DNAH14: variants seen among roughly 807,000 people sequenced by gnomAD.
DNAH14 encodes the protein dynein axonemal heavy chain 14.
DNAH14 carries 478 observed loss-of-function variants against 520.9 expected under a neutral mutation model. The ratio of observed to expected loss-of-function variants is 0.92; its 90% CI spans 0.85 to 0.99. DNAH14 has a LOEUF of 0.99. Ranked by LOEUF, DNAH14 falls within the 50% of genes least tolerant of loss-of-function variation. DNAH14 has a pLI of 0.00. For missense variants in DNAH14, 4,831 were observed against 5,234.5 expected, an observed-to-expected ratio of 0.92 and a Z score of 2.38; for synonymous variants, 1,581 against 1,757.2, an observed-to-expected ratio of 0.90 and a Z score of 2.51.
intron 38 of DNAH14, among the ~76,000 whole-genome samples, chr1:225,203,959 AG>A (rs997401837): frequency 6.6e-6 from 1 of 152,180 alleles, no homozygotes; most frequent in African/African-American, 2.4e-5. Flanking sequence ...CTGTCTTTGC[AG>A]GGGGAAAAAA....
At chr1:225,024,492 A>G (rs990118351) in intron 11 of DNAH14, 1 of 153,230 alleles carries the variant, frequency 6.5e-6, no homozygotes, top group Non-Finnish European at 1.4e-5. Flanking sequence ...GGTAAACAGG[A>G]CTATGAATTG....
intron 12 of DNAH14, 31 bp downstream of exon 12, chr1:225,038,854 G>A: frequency 2.1e-6 from 3 of 1,427,744 alleles, no homozygotes; most frequent in Non-Finnish European, 2.8e-6. Flanking sequence ...TATAAACATA[G>A]ATTTTTTGCT....
rs373104125 is a variant in DNAH14 at position 225,373,996 on chromosome 1, T to G, written c.12319-692T>G. 4.1e-5 allele frequency among the ~76,000 whole-genome samples: 6 copies of G among 148,044 alleles called. No individual in the cohort carries two copies. In the East Asian group the frequency reaches 8.1e-4, roughly 20 times the overall value. ...ACAAAAATTAGCCAGACAGGGAGGC[T>G]GAGGAAAAAAGCTGAGGTGGGAGAA... is the stretch of plus-strand genomic sequence containing the variant. On this transcript the variant is annotated intron_variant, in intron 77 of 85. Transcript: ENST00000682510.
At chr1:225,117,316 A>G (rs1265823412) in intron 23 of DNAH14, among the ~76,000 whole-genome samples, 2 of 151,760 alleles carry the variant, frequency 1.3e-5, no homozygotes. Context: ...TGGGAAAGCA[A>G]TGTTGATAAT....
rs774364929 is a variant in DNAH14 at position 225,304,949 on chromosome 1, CA to C, written c.8869del (p.Ser2957AlafsTer2). On this transcript the variant is annotated frameshift_variant, in exon 58 of 86. Coordinates refer to ENST00000682510, the MANE Select transcript of DNAH14 (RefSeq NM_001367479.1). LOFTEE classifies it high-confidence loss of function. The part of the protein sequence containing the change: ...KLAPTCVQIH[K>X]SMKDLNRKYF... ...TTGCCCCAACATGTGTCCAAATCCA[CA>C]AAAGCATGAAAGACTTGAACAGAAA... 3.3e-6 allele frequency: 5 copies of C among 1,535,782 alleles called. No homozygotes were observed. Among genetic ancestry groups the C allele is most frequent in the Non-Finnish European group, 4.4e-6 (5 of 1,143,716 alleles).
chr1:225,081,793 C>T (rs986931511), intron 19 of DNAH14, among the ~76,000 whole-genome samples: 40 of 152,052 alleles, frequency 2.6e-4, no homozygotes, highest in African/African-American at 9.4e-4. Context: ...TTGAACCTTC[C>T]ACTCCATAGG....
At chr1:225,240,956 A>G (rs2091929283) in intron 43 of DNAH14, 134 bp downstream of exon 43, 1 of 682,052 alleles carries the variant, frequency 1.5e-6, no homozygotes, top group South Asian at 2.5e-5. Context: ...TAATATACCC[A>G]ATACCCTCAT....
At chr1:224,974,191 G>T in intron 8 of DNAH14, 38 bp downstream of exon 8, 1 of 1,349,998 alleles carries the variant, frequency 7.4e-7, no homozygotes, top group Non-Finnish European at 9.9e-7. Context: ...ATTTCAAAAG[G>T]AAGCTGTATG....
chr1:225,101,163 T>A (rs986476736), intron 23 of DNAH14, among the ~76,000 whole-genome samples: 3 of 152,146 alleles, frequency 2.0e-5, no homozygotes, highest in African/African-American at 7.2e-5. Context: ...ATCTTTTTTT[T>A]TTAATATAAG....
intron 15 of DNAH14, among the ~76,000 whole-genome samples, chr1:225,048,506 A>G (rs1282276566): frequency 6.6e-6 from 1 of 152,216 alleles, no homozygotes; most frequent in Non-Finnish European, 1.5e-5. Context: ...GTCTCAAAAA[A>G]TAAAAAATAA....
At chr1:225,224,049 G>A (rs1022598983) in intron 41 of DNAH14, among the ~76,000 whole-genome samples, 3 of 151,914 alleles carry the variant, frequency 2.0e-5, no homozygotes, top group African/African-American at 7.3e-5. Flanking sequence ...TAACTTCCTG[G>A]TCAGTAAGAT....
At chr1:225,315,788 G>A (rs1291752258) in intron 60 of DNAH14, among the ~76,000 whole-genome samples, 5 of 152,214 alleles carry the variant, frequency 3.3e-5, no homozygotes, top group African/African-American at 7.2e-5. Context: ...AAAGATTGCT[G>A]CCTGCTCCTT....
At chr1:225,184,535 G>A (rs553741237) in intron 36 of DNAH14, among the ~76,000 whole-genome samples, 8 of 152,084 alleles carry the variant, frequency 5.3e-5, no homozygotes, top group South Asian at 4.2e-4. Context: ...CACAAGAATC[G>A]CTTGAACCTG....
At chr1:225,050,651 T>C (rs576399127) in intron 16 of DNAH14, among the ~76,000 whole-genome samples, 19 of 152,296 alleles carry the variant, frequency 1.2e-4, no homozygotes, top group Admixed American at 1.1e-3. Flanking sequence ...CTCAACTCTT[T>C]CCATTAGCAT....
At chr1:225,335,997 G>A (rs569637708) in intron 66 of DNAH14, among the ~76,000 whole-genome samples, 1,747 of 84,736 alleles carry the variant, frequency 0.021, 130 homozygotes, top group Admixed American at 0.18. Context: ...ACACACATAT[G>A]CATATATGTA....
At chr1:225,376,941 G>A (rs1222766961) in intron 78 of DNAH14, among the ~76,000 whole-genome samples, 1 of 150,256 alleles carries the variant, frequency 6.7e-6, no homozygotes, top group African/African-American at 2.4e-5. Flanking sequence ...TTATCTATGG[G>A]TGGTCAGAAT....
intron 1 of DNAH14, 30 bp from the exon 2 acceptor site, chr1:224,952,640 T>TTAAA (rs2060252467): frequency 1.6e-6 from 2 of 1,228,958 alleles, no homozygotes; most frequent in South Asian, 3.2e-5. Flanking sequence ...GTATTGTATA[T>TTAAA]TAAATATAAT....
chr1:224,998,897 T>C (rs893366442), intron 8 of DNAH14, among the ~76,000 whole-genome samples: 1 of 152,316 alleles, frequency 6.6e-6, no homozygotes, highest in African/African-American at 2.4e-5. Context: ...CTTTTTCCTT[T>C]CAGTTCAGCT....
intron 23 of DNAH14, among the ~76,000 whole-genome samples, chr1:225,104,442 A>G (rs536718366): frequency 6.6e-6 from 1 of 152,266 alleles, no homozygotes; most frequent in Admixed American, 6.5e-5. Context: ...ATTGTTTGGA[A>G]TTGTTTCAGA....
Sources: gnomAD v4.1 joint callset for allele counts (sites outside exome capture counted in the v4.1 genomes callset) on GRCh38, gnomAD v4.1.1 for gene constraint, MANE v1.5 for transcripts, NCBI Gene and HGNC (gene_info 2026-07-23, HGNC 2026-07-21) for gene names.